LIPN: variants seen among roughly 807,000 people sequenced by gnomAD.
LIPN encodes lipase member N.
In LIPN, 32 loss-of-function variants were observed where a neutral mutation model predicts 43.7. The ratio of observed to expected loss-of-function variants is 0.73; its 90% CI spans 0.55 to 0.98. The LOEUF (loss-of-function observed/expected upper bound fraction) is 0.98. Ranked by LOEUF, LIPN falls within the 50% of genes least tolerant of loss-of-function variation. LIPN has a pLI of 0.00. For missense variants in LIPN, 505 were observed against 483.8 expected, an observed-to-expected ratio of 1.04 and a Z score of -0.41; for synonymous variants, 156 against 157.6, an observed-to-expected ratio of 0.99 and a Z score of 0.08.
Position 88,778,036 on chromosome 10 carries a change from G to T in LIPN, c.991G>T (p.Ala331Ser). Reference sequence around the variant, plus strand: ...TCATCCCCCTATATATGACCTGACTGCCATGAAAGTGCCTACTGCTATTTG... The same window carrying T: ...TCATCCCCCTATATATGACCTGACTTCCATGAAAGTGCCTACTGCTATTTG... The part of the protein sequence containing the change: ...QSHPPIYDLT[A>S]MKVPTAIWAG... Residue 331 changes from alanine to serine, a missense_variant, in exon 10 of 10, where the codon GCC (alanine) becomes TCC (serine). Ala to Ser is a moderately conservative substitution (Grantham distance 99). Coordinates refer to ENST00000404459, the MANE Select transcript of LIPN (RefSeq NM_001102469.2). 3.7e-6 allele frequency: 6 copies of T among 1,613,284 alleles called. No homozygotes were observed. The highest frequency in any genetic ancestry group is 4.2e-6 in the Non-Finnish European group (5 of 1,179,518).
Position 88,778,523 on chromosome 10 carries a change from G to T in LIPN, c.*281G>T, listed in dbSNP as rs1338283696. On this transcript the variant is annotated 3_prime_UTR_variant, in exon 10 of 10. Transcript: ENST00000404459. ...GTCTAATTAAATTGTAATTTTTAGG[G>T]CATACCATGAAGTATAGAAATGTCT... Among the ~76,000 whole-genome samples the T allele has an allele frequency of 6.6e-6, 1 of 152,094 alleles. No homozygotes were observed. The highest frequency in any genetic ancestry group is 1.9e-4 in the East Asian group (1 of 5,188).
chr10:88,768,786 T>A lies in LIPN; in HGVS notation c.536-6T>A. On this transcript the variant is annotated splice_polypyrimidine_tract_variant and splice_region_variant and intron_variant, in intron 5 of 9. Transcript: ENST00000404459. ...TACAAGATTGTCTTATCTCCTGTTC[T>A]CTCAGGGTTTGTAGCCTTTTCCACC... 6.2e-7 allele frequency: 1 copy of A among 1,609,708 alleles called. No individual in the cohort carries two copies. The highest frequency in any genetic ancestry group is 8.5e-7 in the Non-Finnish European group (1 of 1,177,734).
intron 7 of LIPN, 113 bp from the exon 8 acceptor site, chr10:88,774,357 CTTG>C (rs1410717790): frequency 3.1e-6 from 2 of 639,362 alleles, no homozygotes; most frequent in Non-Finnish European, 5.7e-6. Context: ...ATAATTCTAC[CTTG>C]TTATTTTCAA....
chr10:88,767,568 G>C (rs1843123947), intron 5 of LIPN, among the ~76,000 whole-genome samples: 1 of 141,702 alleles, frequency 7.1e-6, no homozygotes. Flanking sequence ...CGGAGAAATG[G>C]TGTAGAGAAG....
chr10:88,772,855 TA>T (rs57581860), intron 7 of LIPN, among the ~76,000 whole-genome samples: 117,254 of 147,532 alleles, frequency 0.79, 47,465 homozygotes, highest in East Asian at 1. Context: ...CAAATAATCT[TA>T]AAAAAAAAGA....
intron 5 of LIPN, among the ~76,000 whole-genome samples, chr10:88,767,810 T>C (rs1225558980): frequency 6.6e-6 from 1 of 151,674 alleles, no homozygotes; most frequent in Non-Finnish European, 1.5e-5. Flanking sequence ...ACCCACTCTT[T>C]GTAGGACATT....
intron 5 of LIPN, 123 bp downstream of exon 5, chr10:88,766,501 C>G (rs1374807602): frequency 1.4e-6 from 1 of 711,962 alleles, no homozygotes; most frequent in African/African-American, 1.8e-5. Context: ...AATTCCCTGT[C>G]CTCTGCTGGG....
chr10:88,768,962 C>A, intron 6 of LIPN, 34 bp downstream of exon 6: 2 of 1,589,372 alleles, frequency 1.3e-6, no homozygotes, highest in African/African-American at 1.3e-5. Context: ...ACCTGAGGAT[C>A]TCATTTTGGA....
At chr10:88,773,585 T>C (rs1843246048) in intron 7 of LIPN, among the ~76,000 whole-genome samples, 1 of 151,782 alleles carries the variant, frequency 6.6e-6, no homozygotes, top group African/African-American at 2.4e-5. Flanking sequence ...TTATTGAGAA[T>C]TCAAGAAGAA....
upstream of LIPN, among the ~76,000 whole-genome samples, chr10:88,757,541 A>G (rs1842941324): frequency 6.6e-6 from 1 of 152,136 alleles, no homozygotes; most frequent in Admixed American, 6.6e-5. Context: ...TGATTGATAG[A>G]TCTTTTTGTC....
rs753391793 is a variant in LIPN at position 88,774,937 on chromosome 10, C to G, written c.892-155C>G. On this transcript the variant is annotated intron_variant, in intron 8 of 9. Transcript: ENST00000404459. ...GGGTATTGCTCATCTTTCTGTTGAG[C>G]CCCGTTTGTCATAATTGTAAAATGG... Among the ~76,000 whole-genome samples, 10 of 151,650 alleles carry G rather than the reference C, an allele frequency of 6.6e-5. No homozygotes were observed. In the Admixed American group the frequency reaches 6.6e-4, roughly 10 times the overall value.
intron 1 of LIPN, 123 bp from the exon 2 acceptor site, chr10:88,761,275 A>G (rs1254272963): frequency 1.4e-5 from 9 of 662,902 alleles, no homozygotes; most frequent in Non-Finnish European, 2.4e-5. Flanking sequence ...CTTTTTATAC[A>G]TTATCTGCCT....
In LIPN at chr10:88,778,888, T is replaced by C. The variant is rs1564587317; in HGVS notation, c.*646T>C. On this transcript the variant is annotated 3_prime_UTR_variant, in exon 10 of 10. Coordinates refer to ENST00000404459, the MANE Select transcript of LIPN (RefSeq NM_001102469.2). ...TCCTTATTAAAGCAGAAATAAATTG[T>C]ACAGCATCAATATCATTTTATAATC... 6.6e-6 allele frequency among the ~76,000 whole-genome samples: 1 copy of C among 152,166 alleles called. No individual in the cohort carries two copies. The highest frequency in any genetic ancestry group is 1.5e-5 in the Non-Finnish European group (1 of 68,016).
intron 7 of LIPN, 65 bp from the exon 8 acceptor site, chr10:88,774,408 T>C: frequency 1.0e-6 from 1 of 974,778 alleles, no homozygotes; most frequent in Non-Finnish European, 1.6e-6. Flanking sequence ...GCATCATTTT[T>C]CTCTGATTCT....
chr10:88,765,551 C>A (rs1271685555), intron 4 of LIPN, among the ~76,000 whole-genome samples: 1 of 151,942 alleles, frequency 6.6e-6, no homozygotes, highest in South Asian at 2.1e-4. Context: ...AAACAGGCTT[C>A]TAGCTTATGG....
intron 9 of LIPN, 32 bp downstream of exon 9, chr10:88,775,195 AT>A: frequency 7.2e-7 from 1 of 1,397,664 alleles, no homozygotes; most frequent in Admixed American, 2.0e-5. Context: ...CAGCATGCTG[AT>A]TTTGATAAAT....
chr10:88,766,946 A>G (rs900238523), intron 5 of LIPN, among the ~76,000 whole-genome samples: 4 of 151,986 alleles, frequency 2.6e-5, no homozygotes, highest in Non-Finnish European at 5.9e-5. Flanking sequence ...AAGTAAATGT[A>G]AGCACTATGT....
At chr10:88,767,097 A>G (rs970537003) in intron 5 of LIPN, among the ~76,000 whole-genome samples, 2 of 152,100 alleles carry the variant, frequency 1.3e-5, no homozygotes, top group South Asian at 2.1e-4. Context: ...AGGAACCCAC[A>G]CTAATAAAAG....
intron 9 of LIPN, among the ~76,000 whole-genome samples, chr10:88,776,968 T>A (rs1270708273): frequency 6.6e-6 from 1 of 152,100 alleles, no homozygotes; most frequent in Non-Finnish European, 1.5e-5. Context: ...AGACCATCAA[T>A]TCTATCAAGT....
Sources: gnomAD v4.1 joint callset for allele counts (sites outside exome capture counted in the v4.1 genomes callset) on GRCh38, gnomAD v4.1.1 for gene constraint, MANE v1.5 for transcripts, NCBI Gene and HGNC (gene_info 2026-07-23, HGNC 2026-07-21) for gene names.